ZC3H18: variants seen among roughly 807,000 people sequenced by gnomAD.
ZC3H18 encodes zinc finger CCCH domain-containing protein 18.
ZC3H18 carries 8 observed loss-of-function variants against 106.1 expected under a neutral mutation model. The observed-to-expected ratio is 0.08, with a 90% confidence interval of 0.04 to 0.14. ZC3H18 has a LOEUF of 0.14. Among genes scored for constraint, ZC3H18 ranks in the 10% least tolerant of loss-of-function variants. The pLI, the probability that ZC3H18 is intolerant of heterozygous loss-of-function variation, is 1.00. For synonymous variants in ZC3H18, 635 were observed against 522.1 expected, an observed-to-expected ratio of 1.22 and a Z score of -2.95; for missense variants, 1,318 against 1,278.4, an observed-to-expected ratio of 1.03 and a Z score of -0.47.
At chr16:88,625,838 ATT>A (rs1175357328) in intron 13 of ZC3H18, 129 of 104,482 alleles carry the variant, frequency 1.2e-3, no homozygotes, top group African/African-American at 3.8e-3. Flanking sequence ...ACAGAAAAAG[ATT>A]TTTTTTTTTT....
At chr16:88,579,313 A>T (rs879542160) in intron 2 of ZC3H18, among the ~76,000 whole-genome samples, 1 of 152,106 alleles carries the variant, frequency 6.6e-6, no homozygotes, top group Non-Finnish European at 1.5e-5. Context: ...GAGGATGCCC[A>T]TGAGACTGAG....
chr16:88,611,762 G>A (rs1445524405), intron 8 of ZC3H18, among the ~76,000 whole-genome samples: 1 of 152,226 alleles, frequency 6.6e-6, no homozygotes, highest in Non-Finnish European at 1.5e-5. Flanking sequence ...GCTCCTGGGA[G>A]GCTGTTCTCA....
At chr16:88,585,506 G>T (rs1336692356) in intron 2 of ZC3H18, among the ~76,000 whole-genome samples, 1 of 152,238 alleles carries the variant, frequency 6.6e-6, no homozygotes, top group African/African-American at 2.4e-5. Context: ...AGGGTGCTCA[G>T]GTGTGGCTGC....
intron 8 of ZC3H18, among the ~76,000 whole-genome samples, chr16:88,619,265 C>G (rs1333126518): frequency 2.6e-5 from 4 of 152,048 alleles, no homozygotes; most frequent in African/African-American, 9.7e-5. Flanking sequence ...CAGAGCGAGG[C>G]TCTGTCTCAA....
At position 88,573,583 on chromosome 16, in the gene ZC3H18, A is replaced by G. The variant is rs959967278; in HGVS notation, c.-15+3017A>G. Among the ~76,000 whole-genome samples, 9 of 151,972 alleles carry G rather than the reference A, an allele frequency of 5.9e-5. 1 individual carries two copies. Among genetic ancestry groups the G allele is most frequent in the African/African-American group, 1.7e-4 (7 of 41,508 alleles). ...CAGCAGTGTATACCAGTTTAGGACTACCTTTAATAAAAAGACGAGGGTCTT... is the reference window on the plus strand; with the variant it reads ...CAGCAGTGTATACCAGTTTAGGACTGCCTTTAATAAAAAGACGAGGGTCTT... On this transcript the variant is annotated intron_variant, in intron 1 of 17. Coordinates refer to ENST00000301011, the MANE Select transcript of ZC3H18 (RefSeq NM_144604.4).
chr16:88,597,299 G>A (rs1268163410), intron 3 of ZC3H18, among the ~76,000 whole-genome samples: 5 of 152,088 alleles, frequency 3.3e-5, no homozygotes, highest in South Asian at 2.1e-4. Flanking sequence ...AATTTGGATC[G>A]ATATTGTTAT....
At chr16:88,606,642 G>C (rs887388777) in intron 6 of ZC3H18, among the ~76,000 whole-genome samples, 1 of 152,208 alleles carries the variant, frequency 6.6e-6, no homozygotes, top group African/African-American at 2.4e-5. Context: ...TTTTTGTAGA[G>C]ACGGTGTCTC....
At chr16:88,605,489 T>C (rs941673583) in intron 6 of ZC3H18, among the ~76,000 whole-genome samples, 4 of 152,236 alleles carry the variant, frequency 2.6e-5, no homozygotes, top group Non-Finnish European at 5.9e-5. Context: ...GGGACCCTCC[T>C]TTTCACCTTG....
intron 2 of ZC3H18, 39 bp from the exon 3 acceptor site, chr16:88,586,561 G>T (rs1174405660): frequency 8.3e-6 from 13 of 1,557,782 alleles, no homozygotes; most frequent in South Asian, 1.1e-5. Flanking sequence ...CTGATTGATA[G>T]ATGCCTCCCC....
In ZC3H18 at chr16:88,628,937, T is replaced by A. The variant is rs183913058; in HGVS notation, c.2566+83T>A. The A allele has an allele frequency of 3.4e-4, 461 of 1,374,992 alleles. 1 individual carries two copies. The African/African-American group carries it at 5.9e-3, about 18-fold the overall frequency. The allele number at this position is 1,374,992 out of a possible 1,614,324, so 85.2% of individuals were successfully genotyped here. Reference sequence around the variant, plus strand: ...GCAGCTGGGTCTGAGACCCCATTGCTCTTAACAAGTAGGAGGAGGGTCCAG... The same window carrying A: ...GCAGCTGGGTCTGAGACCCCATTGCACTTAACAAGTAGGAGGAGGGTCCAG... On this transcript the variant is annotated intron_variant, in intron 16 of 17. Transcript: ENST00000301011.
intron 9 of ZC3H18, chr16:88,622,846 G>A: frequency 3.2e-6 from 1 of 309,328 alleles, no homozygotes; most frequent in Non-Finnish European, 6.1e-6. Context: ...ATGCTCGGCA[G>A]GAACAGGAGG....
intron 6 of ZC3H18, among the ~76,000 whole-genome samples, chr16:88,601,435 C>G (rs1597339883): frequency 6.6e-6 from 1 of 152,178 alleles, no homozygotes; most frequent in South Asian, 2.1e-4. Flanking sequence ...ATCCTTGACA[C>G]TCTATTTCCA....
chr16:88,613,225 T>C (rs993902055), intron 8 of ZC3H18, among the ~76,000 whole-genome samples: 12 of 152,238 alleles, frequency 7.9e-5, no homozygotes, highest in African/African-American at 2.9e-4. Flanking sequence ...TATTCCTCCA[T>C]GGATGCACCG....
intron 2 of ZC3H18, among the ~76,000 whole-genome samples, chr16:88,580,907 A>G (rs1382143401): frequency 1.3e-5 from 2 of 152,160 alleles, no homozygotes; most frequent in East Asian, 3.9e-4. Flanking sequence ...CTGTGGAAGA[A>G]TTACTCTCTT....
At chr16:88,602,791 A>T (rs1904814401) in intron 6 of ZC3H18, among the ~76,000 whole-genome samples, 1 of 152,106 alleles carries the variant, frequency 6.6e-6, no homozygotes, top group Admixed American at 6.5e-5. Context: ...GGGAATATAG[A>T]CGTTAGCCAC....
intron 12 of ZC3H18, among the ~76,000 whole-genome samples, chr16:88,624,964 C>T (rs879351377): frequency 1.3e-5 from 2 of 152,198 alleles, no homozygotes; most frequent in African/African-American, 2.4e-5. Flanking sequence ...CAGCGTGGCA[C>T]GGAGCACAGG....
intron 8 of ZC3H18, 59 bp downstream of exon 8, chr16:88,611,595 C>G (rs1054245750): frequency 1.3e-6 from 2 of 1,517,878 alleles, no homozygotes; most frequent in East Asian, 2.5e-5. Flanking sequence ...CAGCTCTGTA[C>G]CTAGTCCCCC....
intron 2 of ZC3H18, among the ~76,000 whole-genome samples, chr16:88,581,500 CT>C (rs765268538): frequency 1.3e-5 from 2 of 152,192 alleles, no homozygotes; most frequent in African/African-American, 4.8e-5. Context: ...AGAACACCCC[CT>C]GATGCAAGTA....
intron 3 of ZC3H18, among the ~76,000 whole-genome samples, chr16:88,595,838 T>C (rs573378070): frequency 6.6e-6 from 1 of 151,552 alleles, no homozygotes; most frequent in East Asian, 1.9e-4. Flanking sequence ...GGAAAGAAAG[T>C]AATATGGGCT....
Sources: gnomAD v4.1 joint callset for allele counts (sites outside exome capture counted in the v4.1 genomes callset) on GRCh38, gnomAD v4.1.1 for gene constraint, MANE v1.5 for transcripts, NCBI Gene and HGNC (gene_info 2026-07-23, HGNC 2026-07-21) for gene names.